The following NLRP5 variants were observed in gnomAD, a reference collection of about 807,000 sequenced individuals.
NLRP5 encodes the protein NLR family pyrin domain containing 5, also known as NACHT, LRR and PYD domains-containing protein 5.
Under a neutral mutation model 113.1 loss-of-function variants are expected in NLRP5, and 93 were observed. That is an observed-to-expected ratio of 0.82 (90% CI 0.70 to 0.98). The LOEUF is 0.98. Ranked by LOEUF, NLRP5 falls within the 50% of genes least tolerant of loss-of-function variation. The probability of loss-of-function intolerance (pLI) is 0.00; values close to 1 mark genes in which losing one functional copy is unlikely to be tolerated. For synonymous variants in NLRP5, 751 were observed against 600.7 expected (o/e 1.25, Z -3.66); for missense variants, 1,808 against 1,514.3 (o/e 1.19, Z -3.22).
intron 13 of NLRP5, among the ~76,000 whole-genome samples, chr19:56,056,811 A>G (rs143778046): frequency 1.3e-5 from 2 of 152,226 alleles, no homozygotes; most frequent in Non-Finnish European, 2.9e-5. Flanking sequence ...TGGCTAAAAC[A>G]ACTTGAGCTG....
chr19:56,024,367 A>ATG (rs1212526873), intron 6 of NLRP5, among the ~76,000 whole-genome samples: 10 of 140,776 alleles, frequency 7.1e-5, no homozygotes, highest in Non-Finnish European at 1.4e-4. Context: ...GAACAAATAT[A>ATG]TATATATGTG....
At chr19:56,058,124 T>TTTTTG (rs199753059) in intron 13 of NLRP5, 116 bp from the exon 14 acceptor site, 4 of 853,824 alleles carry the variant, frequency 4.7e-6, no homozygotes, top group African/African-American at 1.7e-5. Context: ...TTTTTGTTTG[T>TTTTTG]TTTTGTTTTG....
chr19:56,054,776 G>A (rs778381147), intron 13 of NLRP5, among the ~76,000 whole-genome samples: 3 of 152,044 alleles, frequency 2.0e-5, no homozygotes, highest in Non-Finnish European at 2.9e-5. Flanking sequence ...AGCTGAATTG[G>A]TATGGGGTTT....
rs185277736 is a variant in NLRP5 at position 56,001,208 on chromosome 19, G to A, written c.62+1421G>A. 1.4e-3 allele frequency among the ~76,000 whole-genome samples: 208 copies of A among 146,348 alleles called. 2 individuals are homozygous for A. The highest frequency in any genetic ancestry group is 6.8e-3 in the South Asian group (31 of 4,552). ...GGTGCAGTGATGCAAGCCTGTGGTCGCAGCTACTAGGAAGGCTGAGGTGGG... is the reference window on the plus strand; with the variant it reads ...GGTGCAGTGATGCAAGCCTGTGGTCACAGCTACTAGGAAGGCTGAGGTGGG... On this transcript the variant is annotated intron_variant, in intron 1 of 14. Coordinates refer to ENST00000390649, the MANE Select transcript of NLRP5 (RefSeq NM_153447.4).
chr19:56,056,521 C>T (rs957123608), intron 13 of NLRP5, among the ~76,000 whole-genome samples: 2 of 152,022 alleles, frequency 1.3e-5, no homozygotes, highest in African/African-American at 4.8e-5. Flanking sequence ...CGTGCCACTG[C>T]ACTCCAGCCT....
rs1292462705 is a variant in NLRP5 at position 56,038,168 on chromosome 19, T to A, written c.2759T>A (p.Val920Asp). The A allele has an allele frequency of 2.5e-6, 4 of 1,613,544 alleles. No individual in the cohort carries two copies. The East Asian group carries it at 6.7e-5, about 27-fold the overall frequency. Reference sequence around the variant, plus strand: ...ATGCCTCTCAGTGATGCCTTGAGAGTCTCCCAGTGCGCCCTGCAGAAGCTG... The same window carrying A: ...ATGCCTCTCAGTGATGCCTTGAGAGACTCCCAGTGCGCCCTGCAGAAGCTG... Residue 920 changes from valine (V) to aspartate (D), a missense_variant, in exon 10 of 15, where the codon GTC (valine) becomes GAC (aspartate). By Grantham distance (152) the Val-to-Asp change is radical. Coordinates refer to ENST00000390649, the MANE Select transcript of NLRP5 (RefSeq NM_153447.4).
At chr19:56,036,949 T>C (rs1257355063) in intron 9 of NLRP5, among the ~76,000 whole-genome samples, 1 of 152,056 alleles carries the variant, frequency 6.6e-6, no homozygotes, top group Non-Finnish European at 1.5e-5. Flanking sequence ...AGAGTGAGAC[T>C]GTCTCAAAAA....
At chr19:56,000,515 C>CCA (rs1981603965) in intron 1 of NLRP5, among the ~76,000 whole-genome samples, 1 of 151,828 alleles carries the variant, frequency 6.6e-6, no homozygotes, top group South Asian at 2.1e-4. Flanking sequence ...CAGGCGCCCG[C>CCA]CACCACGCCC....
the NLRP5 span, among the ~76,000 whole-genome samples, chr19:55,986,797 C>G: frequency 1.3e-5 from 2 of 152,020 alleles, no homozygotes; most frequent in African/African-American, 4.8e-5. Flanking sequence ...GCTGGACCTG[C>G]TCTTGGTGGT....
intron 9 of NLRP5, 127 bp from the exon 10 acceptor site, chr19:56,037,898 G>A (rs937194830): frequency 3.2e-5 from 29 of 907,310 alleles, no homozygotes; most frequent in Admixed American, 1.1e-4. Flanking sequence ...TCTCAGGCCC[G>A]GAGGCAGGAG....
chr19:56,015,658 A>T, intron 3 of NLRP5, 84 bp from the exon 4 acceptor site: 1 of 1,146,690 alleles, frequency 8.7e-7, no homozygotes, highest in Non-Finnish European at 1.2e-6. Flanking sequence ...GGCATGACTA[A>T]GTTTATCTGG....
At chr19:56,041,167 G>T in intron 11 of NLRP5, 75 bp downstream of exon 11, 2 of 1,443,462 alleles carry the variant, frequency 1.4e-6, no homozygotes, top group South Asian at 1.2e-5. Context: ...AAAGCAGAAG[G>T]CAGTGGGGAG....
intron 11 of NLRP5, 112 bp downstream of exon 11, chr19:56,041,204 G>C: frequency 2.0e-6 from 2 of 994,618 alleles, no homozygotes; most frequent in Non-Finnish European, 3.1e-6. Flanking sequence ...CACATGAAGG[G>C]ACCTGGTATA....
At chr19:56,014,839 G>A (rs1295796458) in intron 3 of NLRP5, among the ~76,000 whole-genome samples, 2 of 152,170 alleles carry the variant, frequency 1.3e-5, no homozygotes, top group African/African-American at 4.8e-5. Flanking sequence ...TGAACTCAAA[G>A]TGTGATTCTC....
rs1983072371 is a variant in NLRP5 at position 56,030,740 on chromosome 19, A to G, written c.2277-1871A>G. ...TTTTTTTTTTTTTTTTTTGAGACGG[A>G]GTCTTGCTCGGTCACCCAGGCTGGA... On this transcript the variant is annotated intron_variant, in intron 7 of 14. Coordinates refer to ENST00000390649, the MANE Select transcript of NLRP5 (RefSeq NM_153447.4). Among the ~76,000 whole-genome samples the G allele has an allele frequency of 3.0e-4, 3 of 10,024 alleles. No homozygotes were observed. The Admixed American group carries it at 4.1e-3, about 14-fold the overall frequency. 6.6% of individuals were successfully genotyped at this position (10,024 alleles called of 152,430 possible).
intron 11 of NLRP5, among the ~76,000 whole-genome samples, chr19:56,041,440 G>A (rs1205689040): frequency 4.6e-5 from 7 of 152,006 alleles, no homozygotes; most frequent in East Asian, 3.9e-4. Context: ...CTCTAGTCAC[G>A]TTTTCATCAA....
intron 12 of NLRP5, 39 bp from the exon 13 acceptor site, chr19:56,053,599 C>G (rs963492336): frequency 4.4e-6 from 7 of 1,573,668 alleles, no homozygotes; most frequent in Non-Finnish European, 6.1e-6. Flanking sequence ...CCACTTTCCT[C>G]GAGAGAGGCA....
chr19:56,010,107 G>A (rs1450904247), intron 3 of NLRP5, among the ~76,000 whole-genome samples: 1 of 152,172 alleles, frequency 6.6e-6, no homozygotes, highest in Non-Finnish European at 1.5e-5. Flanking sequence ...CTTGCCATCA[G>A]CCACGTTAGG....
rs761012006 is a variant in NLRP5 at position 56,027,889 on chromosome 19, G to T, written c.1656G>T (p.Met552Ile). 1.9e-6 allele frequency: 3 copies of T among 1,613,786 alleles called. No individual in the cohort carries two copies. Among genetic ancestry groups the T allele is most frequent in the South Asian group, 1.1e-5 (1 of 91,076 alleles). ...CAGTGTTTGACGGTGACGACCTCAT[G>T]GTTCAAGGACTCGGGGAGTCTGAGC... The change falls in exon 7 of 15, where the codon ATG becomes ATT. Residue 552 changes from methionine (M) to isoleucine (I), a missense_variant. Transcript: ENST00000390649.
Sources: gnomAD v4.1 joint callset for allele counts (sites outside exome capture counted in the v4.1 genomes callset) on GRCh38, gnomAD v4.1.1 for gene constraint, MANE v1.5 for transcripts, NCBI Gene and HGNC (gene_info 2026-07-23, HGNC 2026-07-21) for gene names.